Variants in SYT16 observed in about 807,000 individuals in gnomAD.
The protein encoded by SYT16 is synaptotagmin 16.
A neutral mutation model predicts 61.4 loss-of-function variants in SYT16; 42 were observed. The observed-to-expected ratio is 0.68, with a 90% confidence interval of 0.53 to 0.89. The LOEUF (loss-of-function observed/expected upper bound fraction) is 0.89, where lower values mean the gene tolerates loss of function less well. Among genes scored for constraint, SYT16 ranks in the 40% least tolerant of loss-of-function variants. SYT16 has a pLI of 0.00. For missense variants in SYT16, 804 were observed against 807.3 expected, an observed-to-expected ratio of 1.00 and a Z score of 0.05; for synonymous variants, 314 against 302.3, an observed-to-expected ratio of 1.04 and a Z score of -0.40.
chr14:62,059,670 CAT>C (rs1220418808), intron 3 of SYT16, among the ~76,000 whole-genome samples: 9 of 114,330 alleles, frequency 7.9e-5, no homozygotes, highest in Admixed American at 2.3e-4. Flanking sequence ...GTAATTGATA[CAT>C]ATATATAATT....
chr14:62,011,874 TACAC>T lies in SYT16; in HGVS notation c.523+15360_523+15363del, dbSNP rs576570781. On this transcript the variant is annotated intron_variant, in intron 3 of 7. Coordinates refer to ENST00000683842, the MANE Select transcript of SYT16 (RefSeq NM_001367656.1). ...ACCACAAGTCAGGGAACACTATATATACACACACACACACACACACACACACACA... is the reference window on the plus strand; with the variant it reads ...ACCACAAGTCAGGGAACACTATATATACACACACACACACACACACACACA... 2.0e-3 allele frequency among the ~76,000 whole-genome samples: 271 copies of T among 136,486 alleles called. 4 individuals are homozygous for T. Among genetic ancestry groups the T allele is most frequent in the South Asian group, 3.4e-3 (15 of 4,384 alleles). 89.5% of individuals were successfully genotyped at this position (136,486 alleles called of 152,430 possible).
At chr14:61,964,384 C>T (rs974812055) in intron 1 of SYT16, among the ~76,000 whole-genome samples, 2 of 152,054 alleles carry the variant, frequency 1.3e-5, no homozygotes, top group Admixed American at 6.6e-5. Flanking sequence ...TTGTGGGGCT[C>T]AAGATTTCAG....
chr14:62,079,440 A>G, intron 5 of SYT16: 1 of 818,640 alleles, frequency 1.2e-6, no homozygotes, highest in Non-Finnish European at 1.7e-6. Flanking sequence ...TACCATCTCC[A>G]TTTTACAGTT....
At chr14:61,830,000 C>A (rs1016788083) in intron 1 of SYT16, among the ~76,000 whole-genome samples, 1 of 152,134 alleles carries the variant, frequency 6.6e-6, no homozygotes, top group Admixed American at 6.5e-5. Flanking sequence ...TCTGTCAATT[C>A]TCTTCTGCCA....
chr14:62,052,378 AT>A (rs1343107053), intron 3 of SYT16, among the ~76,000 whole-genome samples: 1 of 152,188 alleles, frequency 6.6e-6, no homozygotes, highest in African/African-American at 2.4e-5. Flanking sequence ...CATTTTTATA[AT>A]TTTTAAGAGA....
intron 1 of SYT16, among the ~76,000 whole-genome samples, chr14:61,946,248 A>T (rs1268020556): frequency 2.0e-5 from 3 of 152,202 alleles, no homozygotes; most frequent in Non-Finnish European, 4.4e-5. Context: ...AGCAACATGG[A>T]TGGAACTGAA....
At chr14:61,826,839 GT>G (rs1490038078) in intron 1 of SYT16, among the ~76,000 whole-genome samples, 1 of 151,944 alleles carries the variant, frequency 6.6e-6, no homozygotes, top group African/African-American at 2.4e-5. Flanking sequence ...GAGGGTTGGT[GT>G]TTGCTGAGGC....
intron 2 of SYT16, among the ~76,000 whole-genome samples, chr14:61,989,611 C>T (rs2052464221): frequency 6.6e-6 from 1 of 152,106 alleles, no homozygotes; most frequent in South Asian, 2.1e-4. Flanking sequence ...AATTTGATTT[C>T]CATGGTGAGT....
intron 1 of SYT16, among the ~76,000 whole-genome samples, chr14:61,959,682 A>G (rs1236617257): frequency 6.6e-6 from 1 of 152,182 alleles, no homozygotes; most frequent in East Asian, 1.9e-4. Flanking sequence ...CTACAGTAGC[A>G]CAATATTCTG....
intron 3 of SYT16, among the ~76,000 whole-genome samples, chr14:61,996,919 C>T (rs1260200958): frequency 6.6e-6 from 1 of 152,044 alleles, no homozygotes; most frequent in South Asian, 2.1e-4. Context: ...GTGTGAAATC[C>T]TGTGCAAAAA....
At position 62,084,336 on chromosome 14, in the gene SYT16, A is replaced by C. The variant is rs1416208584; in HGVS notation, c.1575A>C (p.Glu525Asp). 1.9e-6 allele frequency: 3 copies of C among 1,613,280 alleles called. No individual in the cohort carries two copies. In the African/African-American group the frequency reaches 4.0e-5, roughly 22 times the overall value. ...YNATTGRLSV[E>D]MIKGSHFRNL... ...CCACAACGGGGCGATTATCTGTGGA[A>C]ATGATCAAAGGCAGCCATTTCCGAA... Residue 525 changes from glutamate to aspartate, a missense_variant, in exon 7 of 8, where the codon GAA becomes GAC. Transcript: ENST00000683842.
chr14:61,828,002 GT>G (rs1162305949), intron 1 of SYT16, among the ~76,000 whole-genome samples: 2 of 152,154 alleles, frequency 1.3e-5, no homozygotes, highest in African/African-American at 4.8e-5. Context: ...TTAAAATGAA[GT>G]TAAAATGAGG....
chr14:61,842,269 A>T (rs545776312), intron 1 of SYT16, among the ~76,000 whole-genome samples: 1 of 152,326 alleles, frequency 6.6e-6, no homozygotes, highest in East Asian at 1.9e-4. Context: ...ACTAGGACTT[A>T]TGAATACTTT....
chr14:61,864,866 C>G, intron 1 of SYT16: 1 of 1,160,640 alleles, frequency 8.6e-7, no homozygotes, highest in South Asian at 1.3e-5. Flanking sequence ...CTCCCAGCCA[C>G]CCCCGGCGGA....
chr14:62,041,674 T>G (rs1384214649), intron 3 of SYT16, among the ~76,000 whole-genome samples: 2 of 152,132 alleles, frequency 1.3e-5, no homozygotes, highest in African/African-American at 4.8e-5. Flanking sequence ...TCCAGCTAAC[T>G]TTTTATATTT....
At chr14:61,992,188 G>A (rs1278389747) in intron 2 of SYT16, among the ~76,000 whole-genome samples, 2 of 152,152 alleles carry the variant, frequency 1.3e-5, no homozygotes, top group African/African-American at 4.8e-5. Flanking sequence ...AGAGTTGACA[G>A]AGGAAGCAAT....
chr14:61,951,012 GT>G (rs1468022138), intron 1 of SYT16, among the ~76,000 whole-genome samples: 1 of 152,184 alleles, frequency 6.6e-6, no homozygotes, highest in African/African-American at 2.4e-5. Context: ...TTGTTCAATG[GT>G]TATTACCTAA....
At chr14:62,094,578 C>T (rs1161700055) in intron 7 of SYT16, among the ~76,000 whole-genome samples, 2 of 152,028 alleles carry the variant, frequency 1.3e-5, no homozygotes, top group Admixed American at 1.3e-4. Context: ...TTACCTGATA[C>T]CCAACTTCTA....
chr14:62,102,373 A>G lies in SYT16; in HGVS notation c.*1666A>G, dbSNP rs182084136. 1.3e-5 allele frequency: 2 copies of G among 152,350 alleles called. No individual in the cohort carries two copies. The highest frequency in any genetic ancestry group is 1.3e-4 in the Admixed American group (2 of 15,302). 9.4% of individuals were successfully genotyped at this position (152,350 alleles called of 1,614,324 possible). On this transcript the variant is annotated 3_prime_UTR_variant, in exon 8 of 8. Coordinates refer to ENST00000683842, the MANE Select transcript of SYT16 (RefSeq NM_001367656.1). ...CATATGGAAGAATGAGAATTTGCCA[A>G]ATAAATTAATACCTTAATTACTTTT...
Sources: allele counts gnomAD v4.1 joint callset (sites outside exome capture counted in the v4.1 genomes callset), GRCh38; gene constraint gnomAD v4.1.1; transcripts MANE v1.5; gene names NCBI Gene and HGNC (gene_info 2026-07-23, HGNC 2026-07-21).